CSMD3: variants seen among roughly 807,000 people sequenced by gnomAD.
CSMD3 encodes the protein CUB and sushi domain-containing protein 3.
Under a neutral mutation model 435.2 loss-of-function variants are expected in CSMD3, and 177 were observed. The ratio of observed to expected loss-of-function variants is 0.41; its 90% confidence interval spans 0.36 to 0.46. The LOEUF (loss-of-function observed/expected upper bound fraction) is 0.46. CSMD3 is among the 20% of genes least tolerant of loss of function. The probability of loss-of-function intolerance (pLI) is 0.34; values close to 1 mark genes in which losing one functional copy is unlikely to be tolerated. For missense variants in CSMD3, 4,265 were observed against 4,504.6 expected (o/e 0.95, Z 1.52); for synonymous variants, 1,656 against 1,520.5 (o/e 1.09, Z -2.07).
chr8:112,868,794 A>T (rs2081054792), intron 10 of CSMD3, among the ~76,000 whole-genome samples: 1 of 152,198 alleles, frequency 6.6e-6, no homozygotes, highest in Non-Finnish European at 1.5e-5. Context: ...TGGTGTTGAG[A>T]AAATTGAATA....
At chr8:113,251,770 G>A (rs1387641254) in intron 3 of CSMD3, among the ~76,000 whole-genome samples, 3 of 152,010 alleles carry the variant, frequency 2.0e-5, no homozygotes, top group Non-Finnish European at 2.9e-5. Context: ...AAATTAAAAG[G>A]TGAAAATAAC....
At chr8:112,961,320 T>C (rs1468625962) in intron 7 of CSMD3, among the ~76,000 whole-genome samples, 2 of 151,824 alleles carry the variant, frequency 1.3e-5, no homozygotes, top group African/African-American at 4.8e-5. Context: ...TACTTTTCTA[T>C]TTAAAGTTAG....
intron 6 of CSMD3, among the ~76,000 whole-genome samples, chr8:113,003,599 T>C (rs988039702): frequency 6.6e-6 from 1 of 151,994 alleles, no homozygotes; most frequent in Non-Finnish European, 1.5e-5. Context: ...CCTGAGTAGA[T>C]GGAATACAGA....
intron 3 of CSMD3, among the ~76,000 whole-genome samples, chr8:113,216,657 C>A (rs1251068483): frequency 1.3e-5 from 2 of 151,898 alleles, no homozygotes; most frequent in African/African-American, 2.4e-5. Flanking sequence ...TGTAAAATTA[C>A]AATCCTTGAA....
rs878973828 is a variant in CSMD3, at chr8:112,992,668, C to T, written c.1031-16520G>A. Among the ~76,000 whole-genome samples the T allele has an allele frequency of 2.0e-5, 3 of 151,720 alleles. No individual in the cohort carries two copies. The Admixed American group carries it at 2.0e-4, about 10-fold the overall frequency. On this transcript the variant is annotated intron_variant, in intron 6 of 70. Coordinates refer to ENST00000297405, the MANE Select transcript of CSMD3 (RefSeq NM_198123.2). ...TATTAGGGAATTACAGGTTTGTAGG[C>T]TATTGTAAGAAGTTTGGGTTTTATT...
intron 16 of CSMD3, among the ~76,000 whole-genome samples, chr8:112,675,038 C>T (rs2075742136): frequency 6.6e-6 from 1 of 152,080 alleles, no homozygotes; most frequent in Admixed American, 6.6e-5. Context: ...AAAGAATCAG[C>T]TAGAACCCAC....
chr8:112,665,755 T>C (rs1360633458), intron 17 of CSMD3, among the ~76,000 whole-genome samples: 3 of 152,128 alleles, frequency 2.0e-5, no homozygotes, highest in African/African-American at 7.2e-5. Flanking sequence ...CCTTTTACAA[T>C]ATAGTTTATT....
intron 4 of CSMD3, among the ~76,000 whole-genome samples, chr8:113,128,867 G>A (rs555905159): frequency 6.6e-6 from 1 of 152,142 alleles, no homozygotes; most frequent in Non-Finnish European, 1.5e-5. Context: ...TTGAGGCATC[G>A]AGAAAAAGTC....
At chr8:112,833,624 G>T (rs1255900866) in intron 11 of CSMD3, among the ~76,000 whole-genome samples, 3 of 151,872 alleles carry the variant, frequency 2.0e-5, no homozygotes, top group African/African-American at 7.2e-5. Context: ...TACTAGAACA[G>T]ATGACAATTA....
chr8:112,519,843 T>G (rs1341536598), intron 27 of CSMD3, among the ~76,000 whole-genome samples: 1 of 152,106 alleles, frequency 6.6e-6, no homozygotes, highest in Non-Finnish European at 1.5e-5. Flanking sequence ...CCAAGGGACA[T>G]TTTTGAAATA....
intron 6 of CSMD3, among the ~76,000 whole-genome samples, chr8:112,987,863 T>C (rs1423725265): frequency 6.6e-6 from 1 of 151,996 alleles, no homozygotes; most frequent in East Asian, 1.9e-4. Context: ...ATTCCCTCCC[T>C]AGTTTTTGTT....
intron 3 of CSMD3, among the ~76,000 whole-genome samples, chr8:113,195,563 T>C (rs2092641960): frequency 6.6e-6 from 1 of 150,654 alleles, no homozygotes; most frequent in South Asian, 2.1e-4. Flanking sequence ...GTATTTTTAT[T>C]TGCTAAATCT....
chr8:112,490,573 T>A (rs1259534644), intron 31 of CSMD3, among the ~76,000 whole-genome samples: 1 of 152,148 alleles, frequency 6.6e-6, no homozygotes, highest in Non-Finnish European at 1.5e-5. Flanking sequence ...ATCTACTTAA[T>A]CATTTATCCC....
At chr8:113,311,878 A>C (rs2093872062) in intron 2 of CSMD3, 1 of 152,176 alleles carries the variant, frequency 6.6e-6, no homozygotes, top group Non-Finnish European at 1.5e-5. Context: ...ACTACATGTT[A>C]GAATATAGTC....
intron 3 of CSMD3, among the ~76,000 whole-genome samples, chr8:113,276,669 A>G (rs2093573160): frequency 6.6e-6 from 1 of 151,892 alleles, no homozygotes; most frequent in African/African-American, 2.4e-5. Flanking sequence ...ATCAGCAAAG[A>G]ACACCAGGAC....
At chr8:112,274,473 A>G (rs984588915) in intron 59 of CSMD3, among the ~76,000 whole-genome samples, 1 of 152,160 alleles carries the variant, frequency 6.6e-6, no homozygotes. Flanking sequence ...ATGGTACCAG[A>G]GTCGACATTG....
At chr8:112,536,067 C>G (rs1355714068) in intron 27 of CSMD3, among the ~76,000 whole-genome samples, 1 of 152,098 alleles carries the variant, frequency 6.6e-6, no homozygotes, top group East Asian at 1.9e-4. Context: ...ACCATAAAAA[C>G]CCTAGAAGAA....
At chr8:112,973,669 A>G (rs1239533243) in intron 7 of CSMD3, among the ~76,000 whole-genome samples, 7 of 151,904 alleles carry the variant, frequency 4.6e-5, no homozygotes, top group Non-Finnish European at 8.8e-5. Context: ...GAGCATAGCT[A>G]TATTTTGAGA....
intron 17 of CSMD3, among the ~76,000 whole-genome samples, chr8:112,658,848 G>A (rs1015608554): frequency 6.6e-6 from 1 of 152,026 alleles, no homozygotes; most frequent in African/African-American, 2.4e-5. Context: ...CTAGCTACTC[G>A]GGAGGCTGAG....
Sources: allele counts gnomAD v4.1 joint callset (sites outside exome capture counted in the v4.1 genomes callset), GRCh38; gene constraint gnomAD v4.1.1; transcripts MANE v1.5; gene names NCBI Gene and HGNC (gene_info 2026-07-23, HGNC 2026-07-21).